The following PTPRT variants were observed in gnomAD, a reference collection of about 807,000 sequenced individuals.
PTPRT encodes the protein receptor-type tyrosine-protein phosphatase T.
In PTPRT, 56 loss-of-function variants were observed where a neutral mutation model predicts 176.8. That is an observed-to-expected ratio of 0.32 (90% CI 0.26 to 0.40). The LOEUF is 0.40. PTPRT is among the 10% of genes least tolerant of loss of function. The probability of loss-of-function intolerance (pLI) is 1.00; values close to 1 mark genes in which losing one functional copy is unlikely to be tolerated. For missense variants in PTPRT, 1,540 were observed against 1,908.2 expected, an observed-to-expected ratio of 0.81 and a Z score of 3.60; for synonymous variants, 783 against 739.0, an observed-to-expected ratio of 1.06 and a Z score of -0.96.
chr20:42,266,863 C>G (rs1325590274), intron 13 of PTPRT, among the ~76,000 whole-genome samples: 2 of 152,132 alleles, frequency 1.3e-5, no homozygotes, highest in African/African-American at 2.4e-5. Context: ...ACTTAGAGCA[C>G]TTGAAAGGTG....
At chr20:42,210,405 T>C (rs1159286311) in intron 15 of PTPRT, among the ~76,000 whole-genome samples, 1 of 151,964 alleles carries the variant, frequency 6.6e-6, no homozygotes, top group African/African-American at 2.4e-5. Context: ...AACCCCATCG[T>C]CTCAGCCCAA....
chr20:42,545,066 G>A (rs1421583334), intron 7 of PTPRT, among the ~76,000 whole-genome samples: 2 of 152,132 alleles, frequency 1.3e-5, no homozygotes, highest in Non-Finnish European at 2.9e-5. Context: ...CAAGCCAAGT[G>A]CCTCAGGGCT....
chr20:42,593,259 C>A (rs2073611493), intron 7 of PTPRT, among the ~76,000 whole-genome samples: 1 of 152,192 alleles, frequency 6.6e-6, no homozygotes, highest in Non-Finnish European at 1.5e-5. Flanking sequence ...ACATCTTCAT[C>A]TAGTGGTCAC....
intron 2 of PTPRT, among the ~76,000 whole-genome samples, chr20:42,829,028 C>T (rs751785364): frequency 2.2e-4 from 33 of 152,060 alleles, no homozygotes; most frequent in Admixed American, 3.3e-4. Flanking sequence ...GGAAAAATCA[C>T]AGGCACTCCA....
intron 1 of PTPRT, among the ~76,000 whole-genome samples, chr20:43,028,785 A>T (rs894064801): frequency 6.6e-6 from 1 of 152,232 alleles, no homozygotes; most frequent in African/African-American, 2.4e-5. Flanking sequence ...CTAAGTTGAG[A>T]AAACCTCCAG....
chr20:43,044,376 T>C, intron 1 of PTPRT, among the ~76,000 whole-genome samples: 1 of 152,094 alleles, frequency 6.6e-6, no homozygotes, highest in East Asian at 1.9e-4. Flanking sequence ...AAGGTTACAG[T>C]TTCCCCCTCT....
At chr20:42,513,201 G>GGTGTGTGTGTGTGTGT (rs58268839) in intron 7 of PTPRT, among the ~76,000 whole-genome samples, 2 of 144,566 alleles carry the variant, frequency 1.4e-5, no homozygotes, top group Admixed American at 6.9e-5. Flanking sequence ...CTATTGATGG[G>GGTGTGTGTGTGTGTGT]GTGTGTGTGT....
At chr20:42,045,158 A>G in the PTPRT span, among the ~76,000 whole-genome samples, 6 of 152,166 alleles carry the variant, frequency 3.9e-5, no homozygotes, top group African/African-American at 1.4e-4. Flanking sequence ...TTCTTTTGCC[A>G]TGTAACCTAA....
At chr20:42,200,549 CTAAAAAGT>C (rs1233768518) in intron 15 of PTPRT, among the ~76,000 whole-genome samples, 1 of 152,138 alleles carries the variant, frequency 6.6e-6, no homozygotes, top group African/African-American at 2.4e-5. Context: ...CACTGAGGAA[CTAAAAAGT>C]TAAAAAGTTC....
chr20:42,221,237 C>T (rs541887097), intron 15 of PTPRT, among the ~76,000 whole-genome samples: 17 of 152,256 alleles, frequency 1.1e-4, no homozygotes, highest in African/African-American at 3.1e-4. Flanking sequence ...CTCCTGACTT[C>T]AGGTGATCCA....
chr20:42,652,157 C>T (rs1263235124), intron 7 of PTPRT, among the ~76,000 whole-genome samples: 1 of 151,706 alleles, frequency 6.6e-6, no homozygotes, highest in Non-Finnish European at 1.5e-5. Context: ...AAAATGCCTG[C>T]CACATATTGT....
intron 6 of PTPRT, among the ~76,000 whole-genome samples, chr20:42,694,529 T>C (rs1416828507): frequency 3.3e-5 from 5 of 152,218 alleles, no homozygotes; most frequent in South Asian, 2.1e-4. Context: ...TAGGTTTTTG[T>C]GTGAACATAA....
intron 16 of PTPRT, among the ~76,000 whole-genome samples, chr20:42,177,122 T>A (rs1990326246): frequency 6.6e-6 from 1 of 152,234 alleles, no homozygotes; most frequent in Admixed American, 6.5e-5. Context: ...CCAATGCTTC[T>A]CAAGGTGTAA....
intron 8 of PTPRT, among the ~76,000 whole-genome samples, chr20:42,459,292 G>A (rs763297760): frequency 5.9e-5 from 9 of 152,188 alleles, no homozygotes; most frequent in Non-Finnish European, 1.0e-4. Flanking sequence ...ACAAAAGTGG[G>A]AATTCTGGTC....
intron 1 of PTPRT, among the ~76,000 whole-genome samples, chr20:43,085,418 C>G (rs1043708753): frequency 3.3e-5 from 5 of 152,200 alleles, no homozygotes; most frequent in Admixed American, 2.0e-4. Context: ...CTTGCCGAAG[C>G]ACATTCATCC....
chr20:42,620,951 A>G (rs1028536076), intron 7 of PTPRT, among the ~76,000 whole-genome samples: 1 of 152,156 alleles, frequency 6.6e-6, no homozygotes, highest in Non-Finnish European at 1.5e-5. Context: ...CTATTCGGCC[A>G]TCTTGGCTCC....
At chr20:42,771,995 A>C (rs1038561943) in intron 4 of PTPRT, among the ~76,000 whole-genome samples, 2 of 152,178 alleles carry the variant, frequency 1.3e-5, no homozygotes, top group South Asian at 4.1e-4. Context: ...GTTAAAAGAA[A>C]AATTGGGGGG....
intron 7 of PTPRT, among the ~76,000 whole-genome samples, chr20:42,577,810 G>C (rs2145711846): frequency 6.6e-6 from 1 of 150,930 alleles, no homozygotes; most frequent in African/African-American, 2.4e-5. Flanking sequence ...AACCAAACAA[G>C]AGAAAAACCT....
intron 27 of PTPRT, among the ~76,000 whole-genome samples, chr20:42,092,240 G>T (rs188850381): frequency 2.0e-5 from 3 of 152,290 alleles, no homozygotes; most frequent in African/African-American, 7.2e-5. Flanking sequence ...TGAAGTCATG[G>T]GCATTGCTGG....
Sources: gnomAD v4.1 joint callset for allele counts (sites outside exome capture counted in the v4.1 genomes callset) on GRCh38, gnomAD v4.1.1 for gene constraint, MANE v1.5 for transcripts, NCBI Gene and HGNC (gene_info 2026-07-23, HGNC 2026-07-21) for gene names.